Variants in VAV2 observed in about 807,000 individuals in gnomAD.
The protein encoded by VAV2 is vav guanine nucleotide exchange factor 2, also known as guanine nucleotide exchange factor VAV2.
In VAV2, 67 loss-of-function variants were observed where a neutral mutation model predicts 132.5. The ratio of observed to expected loss-of-function variants is 0.51; its 90% CI spans 0.42 to 0.62. The LOEUF is 0.62. Ranked by LOEUF, VAV2 falls within the 20% of genes least tolerant of loss-of-function variation. The pLI, the probability that VAV2 is intolerant of heterozygous loss-of-function variation, is 0.00. For synonymous variants in VAV2, 492 were observed against 443.5 expected (o/e 1.11, Z -1.37); for missense variants, 938 against 1,153.6 (o/e 0.81, Z 2.71).
intron 4 of VAV2, among the ~76,000 whole-genome samples, chr9:133,818,841 G>A (rs118120448): frequency 0.012 from 1,796 of 152,174 alleles, 16 homozygotes; most frequent in Non-Finnish European, 0.019. Context: ...TCTTGGACCC[G>A]AGATGCTATG....
chr9:133,812,474 A>G (rs550659483), intron 4 of VAV2, among the ~76,000 whole-genome samples: 101 of 152,306 alleles, frequency 6.6e-4, no homozygotes, highest in Non-Finnish European at 1.1e-3. Flanking sequence ...CTGCCAGGAC[A>G]AAGAACCCAC....
rs778357178 is a variant in VAV2 at position 133,807,210 on chromosome 9, A to T, written c.735+48T>A. On this transcript the variant is annotated intron_variant, in intron 8 of 29. Coordinates refer to ENST00000371850, the MANE Select transcript of VAV2 (RefSeq NM_001134398.2). ...AGCAGGACATGTGTGGCCAGTGCCG[A>T]GTTAGGGCCCCGAGCCTGGCATGAG... is the stretch of plus-strand genomic sequence containing the variant. The T allele has an allele frequency of 2.8e-5, 44 of 1,584,602 alleles. 1 individual carries two copies. The Middle Eastern group carries it at 7.2e-4, about 26-fold the overall frequency.
rs1248707813 is a variant in VAV2, at chr9:133,763,855, T to C, written c.*207A>G. ...TAGCCCAGGTTTCCTCTATGTACAATAGCATACCCAGTGATGGGTCGCCGA... is the reference window on the plus strand; with the variant it reads ...TAGCCCAGGTTTCCTCTATGTACAACAGCATACCCAGTGATGGGTCGCCGA... On this transcript the variant is annotated 3_prime_UTR_variant, in exon 30 of 30. Coordinates refer to ENST00000371850, the MANE Select transcript of VAV2 (RefSeq NM_001134398.2). This position sits in a 1 kb window ranked among gnomAD's most constrained non-coding sequence, Gnocchi z 6.8. 3 of 618,938 alleles carry C rather than the reference T, an allele frequency of 4.8e-6. No homozygotes were observed. The highest frequency in any genetic ancestry group is 2.9e-5 in the East Asian group (1 of 34,778). 38.3% of individuals were successfully genotyped at this position (618,938 alleles called of 1,614,324 possible).
At chr9:133,979,396 C>T (rs759602985) in intron 1 of VAV2, among the ~76,000 whole-genome samples, 12 of 152,138 alleles carry the variant, frequency 7.9e-5, no homozygotes, top group Non-Finnish European at 8.8e-5. Flanking sequence ...AATGTGTCGG[C>T]CGCTCAGTGC....
In VAV2 at chr9:133,778,800, C is replaced by A. The variant is rs1833904327; in HGVS notation, c.1852G>T (p.Glu618Ter). 1 of 1,612,970 alleles carries A rather than the reference C, an allele frequency of 6.2e-7. No individual in the cohort carries two copies. Among genetic ancestry groups the A allele is most frequent in the African/African-American group, 1.3e-5 (1 of 74,946 alleles). The change falls in exon 22 of 30, where the codon GAG becomes TAG. Residue 618 changes from glutamate (E) to a stop codon, truncating the protein, a stop_gained. Transcript: ENST00000371850. LOFTEE classifies it high-confidence loss of function. ...GACTCAGGGTCGCCCCTCAGCAGCT[C>A]AAGCACGTCGCCCGTCTGGAAGGTC... ...VLTFQTGDVL[E>*]LLRGDPESPW...
chr9:133,959,523 C>T (rs910103863), intron 1 of VAV2, among the ~76,000 whole-genome samples: 2 of 152,138 alleles, frequency 1.3e-5, no homozygotes, highest in Non-Finnish European at 2.9e-5. Context: ...TACCAGGGAG[C>T]CCAGGGCACA....
At chr9:133,775,957 G>A (rs1833794392) in intron 24 of VAV2, 71 bp downstream of exon 24, 2 of 1,533,756 alleles carry the variant, frequency 1.3e-6, no homozygotes, top group African/African-American at 2.8e-5. Flanking sequence ...GCACCACCCA[G>A]ACCCGGCGGG....
In VAV2 at chr9:133,826,308, G is replaced by A. The variant is rs1175178590; in HGVS notation, c.449+7964C>T. Among the ~76,000 whole-genome samples, 1 of 152,184 alleles carries A rather than the reference G, an allele frequency of 6.6e-6. No homozygotes were observed. Among genetic ancestry groups the A allele is most frequent in the Non-Finnish European group, 1.5e-5 (1 of 68,018 alleles). Reference sequence around the variant, plus strand: ...CACACTAAAGCAGCCAGCAGCTGCAGCCTCACATCCAAGCCCTCGCCCAGA... The same window carrying A: ...CACACTAAAGCAGCCAGCAGCTGCAACCTCACATCCAAGCCCTCGCCCAGA... On this transcript the variant is annotated intron_variant, in intron 4 of 29. Coordinates refer to ENST00000371850, the MANE Select transcript of VAV2 (RefSeq NM_001134398.2). This position sits in a 1 kb window ranked among gnomAD's most constrained non-coding sequence, Gnocchi z 4.2.
chr9:133,973,804 TC>T (rs35989421), intron 1 of VAV2, among the ~76,000 whole-genome samples: 1 of 152,032 alleles, frequency 6.6e-6, no homozygotes, highest in South Asian at 2.1e-4. Context: ...CACCTGCGTG[TC>T]CCTAAAGAGG....
intron 3 of VAV2, among the ~76,000 whole-genome samples, chr9:133,853,791 C>T (rs534585377): frequency 2.0e-4 from 30 of 152,234 alleles, no homozygotes; most frequent in African/African-American, 7.2e-4. Flanking sequence ...GCCGAGCACC[C>T]TCCCTTCACC....
Position 133,918,140 on chromosome 9 carries a change from G to A in VAV2, c.321+20963C>T, listed in dbSNP as rs182976152. ...ATGATATGCCCACAGTATTAGGACA[G>A]CTCTCCTTTTCCACTTGAAAGGCAT... On this transcript the variant is annotated intron_variant, in intron 2 of 29. Coordinates refer to ENST00000371850, the MANE Select transcript of VAV2 (RefSeq NM_001134398.2). The surrounding 1 kb of genome is among the most constrained non-coding windows in gnomAD (Gnocchi z 4.7). Among the ~76,000 whole-genome samples the A allele has an allele frequency of 6.6e-6, 1 of 152,320 alleles. No individual in the cohort carries two copies. The highest frequency in any genetic ancestry group is 2.4e-5 in the African/African-American group (1 of 41,572).
intron 12 of VAV2, among the ~76,000 whole-genome samples, 171 bp downstream of exon 12, chr9:133,795,497 C>T (rs1834672452): frequency 6.6e-6 from 1 of 152,212 alleles, no homozygotes; most frequent in Non-Finnish European, 1.5e-5. Context: ...CCCGTCACCT[C>T]TACCTCCTGT....
At chr9:133,841,208 C>T (rs1049659844) in intron 3 of VAV2, among the ~76,000 whole-genome samples, 6 of 152,026 alleles carry the variant, frequency 3.9e-5, no homozygotes, top group Non-Finnish European at 8.8e-5. Flanking sequence ...CAATGGGGAG[C>T]ACGACCGCTT....
chr9:133,987,508 C>T (rs1024668747), intron 1 of VAV2, among the ~76,000 whole-genome samples: 1 of 152,250 alleles, frequency 6.6e-6, no homozygotes, highest in Admixed American at 6.5e-5. Context: ...GATGCCAAAA[C>T]CATCGCCAGG....
chr9:133,963,519 C>A lies in VAV2; in HGVS notation c.205-24300G>T, dbSNP rs564905562. On this transcript the variant is annotated intron_variant, in intron 1 of 29. Coordinates refer to ENST00000371850, the MANE Select transcript of VAV2 (RefSeq NM_001134398.2). ...TCCAGTCGTGCCGACAGGCAGCTCT[C>A]AGGGTGGCTATCCCTGTGTTGGGGG... is the stretch of plus-strand genomic sequence containing the variant. Among the ~76,000 whole-genome samples the A allele has an allele frequency of 2.0e-3, 301 of 152,318 alleles. 1 individual carries two copies. The highest frequency in any genetic ancestry group is 7.1e-3 in the African/African-American group (294 of 41,568).
Position 133,863,988 on chromosome 9 carries a change from A to G in VAV2, c.322-2556T>C, listed in dbSNP as rs1267713372. ...GGGCACCTCTGGCTGTGCCCACCCC[A>G]CTCCCAGGACAGACAGAGAGCTGGG... On this transcript the variant is annotated intron_variant, in intron 2 of 29. Transcript: ENST00000371850. This position sits in a 1 kb window ranked among gnomAD's most constrained non-coding sequence, Gnocchi z 5.0. Among the ~76,000 whole-genome samples, 1 of 151,460 alleles carries G rather than the reference A, an allele frequency of 6.6e-6. No individual in the cohort carries two copies. The highest frequency in any genetic ancestry group is 1.5e-5 in the Non-Finnish European group (1 of 67,868).
At chr9:133,954,431 G>A (rs1392517373) in intron 1 of VAV2, among the ~76,000 whole-genome samples, 1 of 152,256 alleles carries the variant, frequency 6.6e-6, no homozygotes, top group Non-Finnish European at 1.5e-5. Flanking sequence ...GAGCTTTCTC[G>A]CCTGGTGCTG....
chr9:133,951,989 G>A (rs1841574651), intron 1 of VAV2, among the ~76,000 whole-genome samples: 2 of 152,272 alleles, frequency 1.3e-5, no homozygotes, highest in Middle Eastern at 3.4e-3. Flanking sequence ...ACACAGCAGA[G>A]ATGTACCCTT....
At chr9:133,861,197 C>T (rs552705952) in intron 3 of VAV2, 177 bp downstream of exon 3, 19 of 604,998 alleles carry the variant, frequency 3.1e-5, no homozygotes, top group African/African-American at 2.6e-4. Context: ...TGAAGCCTCC[C>T]GCCCCCCACA....
Sources: gnomAD v4.1 joint callset for allele counts (sites outside exome capture counted in the v4.1 genomes callset) on GRCh38, gnomAD v4.1.1 for gene constraint, Gnocchi (gnomAD v3.1) non-coding constraint, MANE v1.5 for transcripts, NCBI Gene and HGNC (gene_info 2026-07-23, HGNC 2026-07-21) for gene names.